The following PCDH1 variants were observed in gnomAD, a reference collection of about 807,000 sequenced individuals.
PCDH1 encodes protocadherin 1.
In PCDH1, 23 loss-of-function variants were observed where a neutral mutation model predicts 74.6. The ratio of observed to expected loss-of-function variants is 0.31; its 90% CI spans 0.22 to 0.44. The LOEUF is 0.44. Among genes scored for constraint, PCDH1 ranks in the 20% least tolerant of loss-of-function variants. The probability of loss-of-function intolerance (pLI) is 1.00; values close to 1 mark genes in which losing one functional copy is unlikely to be tolerated. For synonymous variants in PCDH1, 647 were observed against 686.1 expected (o/e 0.94, Z 0.89); for missense variants, 1,214 against 1,641.4 (o/e 0.74, Z 4.50).
chr5:141,878,156 G>C lies in PCDH1; in HGVS notation c.40+67C>G. 1.5e-6 allele frequency: 2 copies of C among 1,375,364 alleles called. No individual in the cohort carries two copies. Among genetic ancestry groups the C allele is most frequent in the Non-Finnish European group, 1.9e-6 (2 of 1,053,276 alleles). The allele number at this position is 1,375,364 out of a possible 1,614,324, so 85.2% of individuals were successfully genotyped here. A position where few individuals can be genotyped will look rare whatever the true frequency, so the allele number is the denominator to read the frequency against. ...CGCTCCGCCGAGCGCCCCTCCCTCA[G>C]CTCCCGCCGGCCATGACCGCTTCGG... On this transcript the variant is annotated intron_variant, in intron 1 of 4. Transcript: ENST00000287008. This position sits in a 1 kb window ranked among gnomAD's most constrained non-coding sequence, Gnocchi z 5.5.
At position 141,868,710 on chromosome 5, in the gene PCDH1, A is replaced by G. The variant is rs200454691; in HGVS notation, c.762T>C (p.Asp254=). The G allele has an allele frequency of 6.2e-7, 1 of 1,614,070 alleles. No individual in the cohort carries two copies. The highest frequency in any genetic ancestry group is 2.2e-5 in the East Asian group (1 of 44,872). ...DSYDLTIKVQ[D]GGSPPRASSA... is the part of the protein sequence containing the mutation. Reference sequence around the variant, plus strand: ...TGCTGGCGCGTGGGGGGCTGCCGCCATCCTGCACCTTGATGGTGAGGTCAT... The same window carrying G: ...TGCTGGCGCGTGGGGGGCTGCCGCCGTCCTGCACCTTGATGGTGAGGTCAT... Residue 254 remains aspartate (D), a synonymous_variant, in exon 2 of 5, where the codon GAT becomes GAC. Coordinates refer to ENST00000287008, the MANE Select transcript of PCDH1 (RefSeq NM_032420.5). The surrounding 1 kb of genome is among the most constrained non-coding windows in gnomAD (Gnocchi z 4.8).
intron 3 of PCDH1, among the ~76,000 whole-genome samples, chr5:141,861,509 C>T (rs1047022496): frequency 2.6e-5 from 4 of 152,062 alleles, no homozygotes; most frequent in Admixed American, 2.0e-4. Context: ...GGAAGGAATG[C>T]CAGAAAGGAC....
In PCDH1 at chr5:141,864,901, A is replaced by G; in HGVS notation, c.1430T>C (p.Val477Ala). The G allele has an allele frequency of 6.2e-7, 1 of 1,614,170 alleles. No individual in the cohort carries two copies. Among genetic ancestry groups the G allele is most frequent in the Non-Finnish European group, 8.5e-7 (1 of 1,180,040 alleles). ...EKVKDYTIEI[V>A]AVDSGNPPLS... ...TGGGGGGTTGCCAGAGTCCACAGCC[A>G]CAATCTCAATGGTGTAGTCTTTGAC... The change falls in exon 3 of 5, where the codon GTG (valine) becomes GCG (alanine). Residue 477 changes from valine (V) to alanine (A), a missense_variant. Physicochemically the swap from Val to Ala is moderately conservative, Grantham distance 64. Coordinates refer to ENST00000287008, the MANE Select transcript of PCDH1 (RefSeq NM_032420.5). The surrounding 1 kb of genome is among the most constrained non-coding windows in gnomAD (Gnocchi z 5.9).
At position 141,868,454 on chromosome 5, in the gene PCDH1, C is replaced by T; in HGVS notation, c.903+115G>A. On this transcript the variant is annotated intron_variant, in intron 2 of 4. Transcript: ENST00000287008. The surrounding 1 kb of genome is among the most constrained non-coding windows in gnomAD (Gnocchi z 4.8). ...GGCTGAGTTTGGGGAGAAGGGGTCT[C>T]ACTACAGTATTCTGGCAGTTTTTCC... The T allele has an allele frequency of 6.8e-7, 1 of 1,470,034 alleles. No homozygotes were observed. The highest frequency in any genetic ancestry group is 1.5e-5 in the South Asian group (1 of 65,402). The allele number at this position is 1,470,034 out of a possible 1,614,324, so 91.1% of individuals were successfully genotyped here. A position where few individuals can be genotyped will look rare whatever the true frequency, so the allele number is the denominator to read the frequency against.
intron 1 of PCDH1, among the ~76,000 whole-genome samples, chr5:141,876,369 G>C (rs1487808628): frequency 1.3e-5 from 2 of 152,192 alleles, no homozygotes; most frequent in Non-Finnish European, 2.9e-5. Flanking sequence ...AGCCGGAGCC[G>C]GCGCGAGCGG....
Position 141,862,109 on chromosome 5 carries a change from C to T in PCDH1, c.3099+1123G>A, listed in dbSNP as rs759432354. Among the ~76,000 whole-genome samples, 9 of 152,100 alleles carry T rather than the reference C, an allele frequency of 5.9e-5. No homozygotes were observed. The East Asian group carries it at 7.7e-4, about 13-fold the overall frequency. ...GTGGGGAGACACAGGGGAGGGCCAG[C>T]GAATTGCTGGGTGTTGCCTGTTGTT... On this transcript the variant is annotated intron_variant, in intron 3 of 4. Coordinates refer to ENST00000287008, the MANE Select transcript of PCDH1 (RefSeq NM_032420.5).
chr5:141,874,695 G>A (rs2126833404), intron 1 of PCDH1, among the ~76,000 whole-genome samples: 1 of 152,306 alleles, frequency 6.6e-6, no homozygotes, highest in East Asian at 1.9e-4. Flanking sequence ...TTTGCTGAGT[G>A]CTGTGGCCAG....
chr5:141,878,347 T>TCC lies in PCDH1; in HGVS notation c.-86_-85insGG. On this transcript the variant is annotated 5_prime_UTR_variant, in exon 1 of 5. Transcript: ENST00000287008. The surrounding 1 kb of genome is among the most constrained non-coding windows in gnomAD (Gnocchi z 5.5). ...TTCGGGCTCCGGCTCCGGCTCCGGC[T>TCC]GGCTCTGGGCGCAGCAGCCCGGCGG... 1 of 1,050,730 alleles carries TCC rather than the reference T, an allele frequency of 9.5e-7. No homozygotes were observed. The highest frequency in any genetic ancestry group is 1.7e-5 in the African/African-American group (1 of 59,272). 65.1% of individuals were successfully genotyped at this position (1,050,730 alleles called of 1,614,324 possible).
Position 141,878,111 on chromosome 5 carries a change from G to A in PCDH1, c.40+112C>T, listed in dbSNP as rs1174128287. On this transcript the variant is annotated intron_variant, in intron 1 of 4. Transcript: ENST00000287008. The surrounding 1 kb of genome is among the most constrained non-coding windows in gnomAD (Gnocchi z 5.5). ...ACCTCAGCCCCCTCGCGCCGAGCTC[G>A]TGTTGGGCCCCCGCGGCCTCGCTCC... 1 of 1,009,504 alleles carries A rather than the reference G, an allele frequency of 9.9e-7. No homozygotes were observed. Among genetic ancestry groups the A allele is most frequent in the Non-Finnish European group, 1.3e-6 (1 of 755,376 alleles). The allele number at this position is 1,009,504 out of a possible 1,614,324, so 62.5% of individuals were successfully genotyped here.
chr5:141,862,390 T>C (rs1752600824), intron 3 of PCDH1, among the ~76,000 whole-genome samples: 1 of 152,072 alleles, frequency 6.6e-6, no homozygotes, highest in Non-Finnish European at 1.5e-5. Context: ...GAAAGCCCTA[T>C]AGACATGGGG....
chr5:141,878,385 G>A lies in PCDH1; in HGVS notation c.-123C>T, dbSNP rs1753298095. ...AGCAGCCCGGCGGCTTTGCGTCCGC[G>A]CCGCGCTCCCGCTCCCCGAGTGTGT... On this transcript the variant is annotated 5_prime_UTR_variant, in exon 1 of 5. Transcript: ENST00000287008. The surrounding 1 kb of genome is among the most constrained non-coding windows in gnomAD (Gnocchi z 5.5). 1 of 687,568 alleles carries A rather than the reference G, an allele frequency of 1.5e-6. No homozygotes were observed. The highest frequency in any genetic ancestry group is 1.9e-6 in the Non-Finnish European group (1 of 519,700). 42.6% of individuals were successfully genotyped at this position (687,568 alleles called of 1,614,324 possible). A position where few individuals can be genotyped will look rare whatever the true frequency, so the allele number is the denominator to read the frequency against.
In PCDH1 at chr5:141,869,586, T is replaced by C. The variant is rs1194440756; in HGVS notation, c.41-155A>G. On this transcript the variant is annotated intron_variant, in intron 1 of 4. Transcript: ENST00000287008. The surrounding 1 kb of genome is among the most constrained non-coding windows in gnomAD (Gnocchi z 4.9). ...AGCACAGAACCCCGATTCCAGAAAC[T>C]CAGATCCCTGAATCTCATCCACAGC... 6.5e-7 allele frequency: 1 copy of C among 1,535,092 alleles called. No individual in the cohort carries two copies. Among genetic ancestry groups the C allele is most frequent in the Non-Finnish European group, 8.7e-7 (1 of 1,146,838 alleles).
Position 141,857,278 on chromosome 5 carries a change from A to G in PCDH1, c.3293T>C (p.Ile1098Thr), listed in dbSNP as rs1047517746. ...HYERTTPDGS[I>T]GEMEHPENDL... ...ATTCTCGGGGTGCTCCATCTCTCCT[A>G]TGCTGCCATCAGGGGTGGTGCGCTC... is the stretch of plus-strand genomic sequence containing the variant. The change falls in exon 4 of 5, where the codon ATA (isoleucine) becomes ACA (threonine). Residue 1098 changes from isoleucine (I) to threonine (T), a missense_variant. By Grantham distance (89) the Ile-to-Thr change is moderately conservative. Around this residue, in one of 4 missense-constraint regions of PCDH1, gnomAD observed 194 missense variants for 198.3 expected, o/e 0.98. Coordinates refer to ENST00000287008, the MANE Select transcript of PCDH1 (RefSeq NM_032420.5). 5.0e-6 allele frequency: 8 copies of G among 1,603,356 alleles called. No homozygotes were observed. The highest frequency in any genetic ancestry group is 6.8e-6 in the Non-Finnish European group (8 of 1,175,226).
intron 3 of PCDH1, chr5:141,862,527 A>G: frequency 3.6e-6 from 2 of 548,054 alleles, no homozygotes; most frequent in African/African-American, 2.0e-5. Context: ...TACAATGGGC[A>G]GGTCTAGGAT....
Position 141,878,371 on chromosome 5 carries a change from G to A in PCDH1, c.-109C>T, listed in dbSNP as rs1458644761. On this transcript the variant is annotated 5_prime_UTR_variant, in exon 1 of 5. Transcript: ENST00000287008. This position sits in a 1 kb window ranked among gnomAD's most constrained non-coding sequence, Gnocchi z 5.5. ...CTGGCTCTGGGCGCAGCAGCCCGGC[G>A]GCTTTGCGTCCGCGCCGCGCTCCCG... The A allele has an allele frequency of 5.9e-6, 5 of 848,140 alleles. No individual in the cohort carries two copies. Among genetic ancestry groups the A allele is most frequent in the East Asian group, 4.5e-5 (1 of 22,100 alleles). The allele number at this position is 848,140 out of a possible 1,614,324, so 52.5% of individuals were successfully genotyped here.
Position 141,871,009 on chromosome 5 carries a change from A to C in PCDH1, c.41-1578T>G, listed in dbSNP as rs562326920. On this transcript the variant is annotated intron_variant, in intron 1 of 4. Transcript: ENST00000287008. ...CCCACGGTGACCTCTCCTTCCTCCAACTCACAGCCACTTATTGTCTGCTCC... is the reference window on the plus strand; with the variant it reads ...CCCACGGTGACCTCTCCTTCCTCCACCTCACAGCCACTTATTGTCTGCTCC... Among the ~76,000 whole-genome samples, 20 of 151,858 alleles carry C rather than the reference A, an allele frequency of 1.3e-4. No individual in the cohort carries two copies. The South Asian group carries it at 4.2e-3, about 32-fold the overall frequency.
intron 3 of PCDH1, among the ~76,000 whole-genome samples, chr5:141,858,200 C>A (rs896243259): frequency 6.6e-6 from 1 of 152,206 alleles, no homozygotes; most frequent in Non-Finnish European, 1.5e-5. Context: ...CTCAGCCCCC[C>A]ATCCCCACTT....
chr5:141,857,192 T>A, intron 4 of PCDH1, 60 bp downstream of exon 4: 2 of 1,378,612 alleles, frequency 1.5e-6, no homozygotes, highest in Non-Finnish European at 2.0e-6. Context: ...TAAGGCCTTG[T>A]CACCATTCCC....
chr5:141,857,861 G>A (rs1416679745), intron 3 of PCDH1, among the ~76,000 whole-genome samples: 4 of 152,062 alleles, frequency 2.6e-5, no homozygotes, highest in Non-Finnish European at 5.9e-5. Context: ...CTGTAATACG[G>A]TGTAGAGCCC....
Sources: allele counts gnomAD v4.1 joint callset (sites outside exome capture counted in the v4.1 genomes callset), GRCh38; gene constraint gnomAD v4.1.1; regional missense constraint gnomAD v4.1.1; non-coding constraint Gnocchi (gnomAD v3.1); transcripts MANE v1.5; gene names NCBI Gene and HGNC (gene_info 2026-07-23, HGNC 2026-07-21).